The following ELMO1 variants were observed in gnomAD, a reference collection of about 807,000 sequenced individuals.
ELMO1 encodes engulfment and cell motility 1.
In ELMO1, 26 loss-of-function variants were observed where a neutral mutation model predicts 98.9. The observed-to-expected ratio is 0.26, with a 90% CI of 0.19 to 0.36. The LOEUF is 0.36. Among genes scored for constraint, ELMO1 ranks in the 10% least tolerant of loss-of-function variants. ELMO1 has a pLI of 1.00. For synonymous variants in ELMO1, 346 were observed against 346.0 expected, an observed-to-expected ratio of 1.00 and a Z score of 0.00; for missense variants, 627 against 935.2, an observed-to-expected ratio of 0.67 and a Z score of 4.30.
chr7:36,908,409 G>C (rs1344539926), intron 16 of ELMO1, among the ~76,000 whole-genome samples: 1 of 152,034 alleles, frequency 6.6e-6, no homozygotes, highest in African/African-American at 2.4e-5. Flanking sequence ...AAATTACTAA[G>C]GATTTTTTAG....
intron 16 of ELMO1, among the ~76,000 whole-genome samples, chr7:36,934,522 T>C (rs1010444609): frequency 6.6e-6 from 1 of 152,216 alleles, no homozygotes; most frequent in Non-Finnish European, 1.5e-5. Context: ...AGCTGTGTAC[T>C]TTTGGGCATT....
chr7:37,237,576 C>CTGT (rs1193911933), intron 7 of ELMO1, among the ~76,000 whole-genome samples: 1 of 152,176 alleles, frequency 6.6e-6, no homozygotes, highest in African/African-American at 2.4e-5. Flanking sequence ...AGGCGTGAAC[C>CTGT]ACCATGCCCG....
At chr7:37,370,503 C>T (rs997482068) in intron 1 of ELMO1, among the ~76,000 whole-genome samples, 3 of 152,094 alleles carry the variant, frequency 2.0e-5, no homozygotes, top group Non-Finnish European at 4.4e-5. Flanking sequence ...AGGGATCACC[C>T]CATTTCTGCC....
chr7:37,024,156 T>G (rs1794438244), intron 15 of ELMO1, among the ~76,000 whole-genome samples: 1 of 152,144 alleles, frequency 6.6e-6, no homozygotes, highest in African/African-American at 2.4e-5. Flanking sequence ...TCCATCCATC[T>G]AACTAGCAAG....
At chr7:37,306,768 T>C (rs1416239607) in intron 4 of ELMO1, among the ~76,000 whole-genome samples, 6 of 152,138 alleles carry the variant, frequency 3.9e-5, no homozygotes, top group African/African-American at 1.4e-4. Flanking sequence ...CAGAACTCTA[T>C]GAATATAATA....
At chr7:37,078,744 A>G (rs1220089714) in intron 15 of ELMO1, among the ~76,000 whole-genome samples, 1 of 152,220 alleles carries the variant, frequency 6.6e-6, no homozygotes, top group Non-Finnish European at 1.5e-5. Context: ...ATATCCTTAA[A>G]TATCCTGCAA....
In ELMO1 at chr7:36,942,119, G is replaced by A. The variant is rs569943292; in HGVS notation, c.1438-47102C>T. 9.8e-5 allele frequency among the ~76,000 whole-genome samples: 15 copies of A among 152,304 alleles called. 1 individual carries two copies. The East Asian group carries it at 2.9e-3, about 29-fold the overall frequency. ...ACTATACAATCATCATTTCACCAAT[G>A]GCTATACACAGACAATTTTTTTCAA... On this transcript the variant is annotated intron_variant, in intron 16 of 21. Transcript: ENST00000310758.
chr7:37,203,975 C>T, intron 13 of ELMO1: 1 of 426,952 alleles, frequency 2.3e-6, no homozygotes, highest in African/African-American at 2.0e-5. Context: ...CCCAGAAAGC[C>T]TGACACGTGT....
intron 1 of ELMO1, among the ~76,000 whole-genome samples, chr7:37,376,799 AACACCACCGTCTCAGCGTTT>A (rs2131373220): frequency 6.6e-6 from 1 of 152,262 alleles, no homozygotes; most frequent in African/African-American, 2.4e-5. Flanking sequence ...TCCCTATTTC[AACACCACCGTCTCAGCGTTT>A]TGGCTTTATC....
intron 13 of ELMO1, among the ~76,000 whole-genome samples, chr7:37,186,718 T>G (rs1398846283): frequency 6.6e-6 from 1 of 152,156 alleles, no homozygotes; most frequent in African/African-American, 2.4e-5. Flanking sequence ...TGCTCAAATA[T>G]TATTAGCCAT....
At position 37,179,159 on chromosome 7, in the gene ELMO1, T is replaced by C. The variant is rs554839978; in HGVS notation, c.1086+32227A>G. ...CAACCCCAAATTATTTCCAAATAGA[T>C]AGCTTAAGAAAAAAAGGCAACAGAT... On this transcript the variant is annotated intron_variant, in intron 13 of 21. Coordinates refer to ENST00000310758, the MANE Select transcript of ELMO1 (RefSeq NM_014800.11). Among the ~76,000 whole-genome samples, 13 of 152,192 alleles carry C rather than the reference T, an allele frequency of 8.5e-5. No individual in the cohort carries two copies. In the South Asian group the frequency reaches 2.3e-3, roughly 27 times the overall value.
intron 13 of ELMO1, among the ~76,000 whole-genome samples, chr7:37,161,680 C>G (rs998064533): frequency 1.3e-5 from 2 of 151,726 alleles, no homozygotes; most frequent in Non-Finnish European, 1.5e-5. Context: ...TAAGAAAATA[C>G]AGCACTGTAC....
chr7:37,192,420 G>A (rs761200555), intron 13 of ELMO1, among the ~76,000 whole-genome samples: 13 of 151,300 alleles, frequency 8.6e-5, no homozygotes, highest in East Asian at 3.9e-4. Context: ...GCTTGAACCC[G>A]GGAGGAGGAG....
intron 15 of ELMO1, among the ~76,000 whole-genome samples, chr7:37,056,797 C>A (rs1796412246): frequency 6.6e-6 from 1 of 152,128 alleles, no homozygotes; most frequent in African/African-American, 2.4e-5. Context: ...ACAGGGGAGC[C>A]CACTGGGGGA....
intron 2 of ELMO1, among the ~76,000 whole-genome samples, chr7:37,321,996 A>G (rs1799539168): frequency 6.6e-6 from 1 of 151,230 alleles, no homozygotes; most frequent in African/African-American, 2.4e-5. Context: ...AGTAGCTGGG[A>G]CTACAGGCAC....
chr7:37,069,156 C>A (rs896938698), intron 15 of ELMO1, among the ~76,000 whole-genome samples: 1 of 152,060 alleles, frequency 6.6e-6, no homozygotes, highest in African/African-American at 2.4e-5. Context: ...CCACTAAGAG[C>A]TCCAATAAAT....
intron 1 of ELMO1, among the ~76,000 whole-genome samples, chr7:37,435,543 T>C (rs1286141364): frequency 6.6e-6 from 1 of 152,236 alleles, no homozygotes. Flanking sequence ...CATAAAAAAT[T>C]GTCTTAAAGA....
At chr7:36,981,749 A>AAT (rs764179520) in intron 16 of ELMO1, among the ~76,000 whole-genome samples, 3 of 152,192 alleles carry the variant, frequency 2.0e-5, no homozygotes, top group Non-Finnish European at 4.4e-5. Context: ...ATACTGTTTT[A>AAT]ATTCCCCCTT....
intron 16 of ELMO1, among the ~76,000 whole-genome samples, chr7:37,005,107 C>CAAAAAAAAAAAA (rs35665315): frequency 7.8e-4 from 30 of 38,276 alleles, no homozygotes; most frequent in Non-Finnish European, 1.4e-3. Flanking sequence ...GGCTCTGTCT[C>CAAAAAAAAAAAA]AAAAAAAAAA....
Sources: gnomAD v4.1 joint callset for allele counts (sites outside exome capture counted in the v4.1 genomes callset) on GRCh38, gnomAD v4.1.1 for gene constraint, MANE v1.5 for transcripts, NCBI Gene and HGNC (gene_info 2026-07-23, HGNC 2026-07-21) for gene names.